Variants in UBASH3B observed in about 807,000 individuals in gnomAD.
UBASH3B encodes the protein ubiquitin-associated and SH3 domain-containing protein B.
A neutral mutation model predicts 83.4 loss-of-function variants in UBASH3B; 37 were observed. That is an observed-to-expected ratio of 0.44 (90% CI 0.34 to 0.58). UBASH3B has a LOEUF of 0.58. UBASH3B is among the 20% of genes least tolerant of loss of function. The pLI is 0.01. For synonymous variants in UBASH3B, 304 were observed against 318.3 expected, an observed-to-expected ratio of 0.96 and a Z score of 0.48; for missense variants, 657 against 827.2, an observed-to-expected ratio of 0.79 and a Z score of 2.52.
At chr11:122,765,532 C>T (rs886195512) in intron 1 of UBASH3B, among the ~76,000 whole-genome samples, 21 of 152,322 alleles carry the variant, frequency 1.4e-4, no homozygotes, top group Admixed American at 2.6e-4. Flanking sequence ...CTTGCTCACA[C>T]CCCTCCATGA....
intron 1 of UBASH3B, among the ~76,000 whole-genome samples, chr11:122,709,760 T>C (rs183780504): frequency 6.6e-6 from 1 of 152,284 alleles, no homozygotes; most frequent in Non-Finnish European, 1.5e-5. Context: ...TCTCCTAGAG[T>C]TCTGGAAGAG....
chr11:122,700,007 C>T (rs1321502535), intron 1 of UBASH3B, among the ~76,000 whole-genome samples: 1 of 152,108 alleles, frequency 6.6e-6, no homozygotes, highest in African/African-American at 2.4e-5. Flanking sequence ...AACTAGAGGT[C>T]GTGTTGTTGG....
chr11:122,710,832 A>C lies in UBASH3B; in HGVS notation c.161+54622A>C, dbSNP rs192754548. Reference sequence around the variant, plus strand: ...CTCATTCCATAAGGAGAGGAACCCCAGGTGGGTAGGCTTTGTCCTGGGGGC... The same window carrying C: ...CTCATTCCATAAGGAGAGGAACCCCCGGTGGGTAGGCTTTGTCCTGGGGGC... On this transcript the variant is annotated intron_variant, in intron 1 of 13. Transcript: ENST00000284273. 1.2e-4 allele frequency among the ~76,000 whole-genome samples: 17 copies of C among 142,576 alleles called. No homozygotes were observed. In the East Asian group the frequency reaches 3.7e-3, roughly 31 times the overall value. The allele number at this position is 142,576 out of a possible 152,430, so 93.5% of individuals were successfully genotyped here.
At chr11:122,769,209 A>C (rs1371605702) in intron 1 of UBASH3B, among the ~76,000 whole-genome samples, 1 of 152,180 alleles carries the variant, frequency 6.6e-6, no homozygotes, top group Non-Finnish European at 1.5e-5. Context: ...ATATGGAGAG[A>C]AGAAGGGAGA....
chr11:122,655,776 G>T lies in UBASH3B; in HGVS notation c.-274G>T, dbSNP rs1322505023. On this transcript the variant is annotated 5_prime_UTR_variant, in exon 1 of 14. Transcript: ENST00000284273. ...AGAGGGAAGGGGGCGGAGGAGACAG[G>T]GCTACTGCAGGCGCAGAGCTGGGGG... 2 of 401,584 alleles carry T rather than the reference G, an allele frequency of 5.0e-6. No individual in the cohort carries two copies. Among genetic ancestry groups the T allele is most frequent in the Non-Finnish European group, 8.9e-6 (2 of 225,346 alleles). The allele number at this position is 401,584 out of a possible 1,614,324, so 24.9% of individuals were successfully genotyped here.
chr11:122,749,280 C>G (rs1378601284), intron 1 of UBASH3B, among the ~76,000 whole-genome samples: 1 of 152,236 alleles, frequency 6.6e-6, no homozygotes, highest in Non-Finnish European at 1.5e-5. Context: ...ATACTAATCT[C>G]TGAGCTGCAT....
rs977886614 is a variant in UBASH3B, at chr11:122,812,675, A to G, written c.*2789A>G. On this transcript the variant is annotated 3_prime_UTR_variant, in exon 14 of 14. Coordinates refer to ENST00000284273, the MANE Select transcript of UBASH3B (RefSeq NM_032873.5). ...TTTAATCTGGGATTGAAAGCCTGAA[A>G]GCATTTCCTGCTTCTACAAGTGTGC... The G allele has an allele frequency of 3.3e-5, 5 of 152,266 alleles. No individual in the cohort carries two copies. Among genetic ancestry groups the G allele is most frequent in the Non-Finnish European group, 5.9e-5 (4 of 68,048 alleles). 9.4% of individuals were successfully genotyped at this position (152,266 alleles called of 1,614,324 possible).
rs1861010556 is a variant in UBASH3B, at chr11:122,789,249, A to G, written c.921A>G (p.Gly307=). The G allele has an allele frequency of 6.2e-7, 1 of 1,613,710 alleles. No individual in the cohort carries two copies. Among genetic ancestry groups the G allele is most frequent in the South Asian group, 1.1e-5 (1 of 91,074 alleles). The change falls in exon 6 of 14, where the codon GGA becomes GGG. Residue 307 remains glycine, a synonymous_variant. Transcript: ENST00000284273. ...CGTCCTTAACCACCGGCTGCTCTGG[A>G]CTCCTGCCTGAGAATTACATTACCA... ...YGTSLTTGCS[G]LLPENYITKA...
At chr11:122,768,548 C>A (rs1860593047) in intron 1 of UBASH3B, among the ~76,000 whole-genome samples, 1 of 151,706 alleles carries the variant, frequency 6.6e-6, no homozygotes, top group African/African-American at 2.4e-5. Context: ...CTCTATCGCC[C>A]ACGCTGGAGT....
intron 5 of UBASH3B, among the ~76,000 whole-genome samples, chr11:122,787,321 T>A (rs1420544194): frequency 6.6e-6 from 1 of 151,834 alleles, no homozygotes; most frequent in East Asian, 1.9e-4. Flanking sequence ...GTGGTTTGAG[T>A]GTGTATGAGG....
chr11:122,697,042 C>T (rs914001772), intron 1 of UBASH3B, among the ~76,000 whole-genome samples: 8 of 152,158 alleles, frequency 5.3e-5, no homozygotes, highest in African/African-American at 7.2e-5. Flanking sequence ...AAAGTCAGCC[C>T]AGCTCTTTTG....
At position 122,800,398 on chromosome 11, in the gene UBASH3B, A is replaced by C. The variant is rs1281736779; in HGVS notation, c.1451-790A>C. On this transcript the variant is annotated intron_variant, in intron 10 of 13. Coordinates refer to ENST00000284273, the MANE Select transcript of UBASH3B (RefSeq NM_032873.5). Reference sequence around the variant, plus strand: ...ACTAAAAATACAAAAAAAAAAAAAAAAAAACAAGAGCTGGGCTTGGTGGCA... The same window carrying C: ...ACTAAAAATACAAAAAAAAAAAAAACAAAACAAGAGCTGGGCTTGGTGGCA... Among the ~76,000 whole-genome samples the C allele has an allele frequency of 7.3e-5, 11 of 150,146 alleles. 1 individual carries two copies. Among genetic ancestry groups the C allele is most frequent in the Admixed American group, 4.6e-4 (7 of 15,122 alleles).
chr11:122,729,105 G>A (rs935323732), intron 1 of UBASH3B, among the ~76,000 whole-genome samples: 1 of 152,184 alleles, frequency 6.6e-6, no homozygotes, highest in Non-Finnish European at 1.5e-5. Context: ...TTTCATTGCA[G>A]GTCTACTGTG....
chr11:122,693,346 G>T (rs1863921292), intron 1 of UBASH3B, among the ~76,000 whole-genome samples: 1 of 152,170 alleles, frequency 6.6e-6, no homozygotes, highest in African/African-American at 2.4e-5. Context: ...GGGCTCAGAG[G>T]CCTGACAATA....
chr11:122,738,423 A>G (rs1860969995), intron 1 of UBASH3B, among the ~76,000 whole-genome samples: 1 of 152,200 alleles, frequency 6.6e-6, no homozygotes, highest in Non-Finnish European at 1.5e-5. Context: ...AGGAAGAGAT[A>G]GAAGACAGAG....
intron 5 of UBASH3B, 94 bp downstream of exon 5, chr11:122,783,316 G>GA: frequency 7.1e-7 from 1 of 1,416,458 alleles, no homozygotes; most frequent in Non-Finnish European, 9.6e-7. Flanking sequence ...ACCTACAGGG[G>GA]AAAAATGGAG....
At chr11:122,723,855 G>A (rs1860684444) in intron 1 of UBASH3B, among the ~76,000 whole-genome samples, 1 of 152,206 alleles carries the variant, frequency 6.6e-6, no homozygotes, top group African/African-American at 2.4e-5. Flanking sequence ...GGTGGCTATG[G>A]GAAACTTTGA....
intron 11 of UBASH3B, among the ~76,000 whole-genome samples, chr11:122,802,340 TTAATAA>T (rs1861272976): frequency 7.3e-6 from 1 of 136,750 alleles, no homozygotes; most frequent in Non-Finnish European, 1.6e-5. Context: ...AAAAAAAGAA[TTAATAA>T]TAATATAGTT....
chr11:122,713,879 C>T (rs1385728924), intron 1 of UBASH3B, among the ~76,000 whole-genome samples: 1 of 152,148 alleles, frequency 6.6e-6, no homozygotes, highest in Non-Finnish European at 1.5e-5. Context: ...TTTGTGACCT[C>T]ATCCAGTGCA....
Sources: allele counts gnomAD v4.1 joint callset (sites outside exome capture counted in the v4.1 genomes callset), GRCh38; gene constraint gnomAD v4.1.1; transcripts MANE v1.5; gene names NCBI Gene and HGNC (gene_info 2026-07-23, HGNC 2026-07-21).